The following NXPE2 variants were observed in gnomAD, a reference collection of about 807,000 sequenced individuals.
NXPE2 encodes NXPE family member 2.
A neutral mutation model predicts 34.4 loss-of-function variants in NXPE2; 34 were observed. That is an observed-to-expected ratio of 0.99 (90% CI 0.75 to 1.31). The LOEUF is 1.31. Among genes scored for constraint, NXPE2 ranks in the 40% most tolerant of loss-of-function variants. NXPE2 has a pLI of 0.00. For missense variants in NXPE2, 649 were observed against 672.5 expected, an observed-to-expected ratio of 0.97 and a Z score of 0.39; for synonymous variants, 235 against 231.3, an observed-to-expected ratio of 1.02 and a Z score of -0.15.
At chr11:114,585,230 C>T in the NXPE2 span, among the ~76,000 whole-genome samples, 1 of 151,598 alleles carries the variant, frequency 6.6e-6, no homozygotes. Flanking sequence ...TCCTGCCATC[C>T]TCCACCTGCA....
the NXPE2 span, among the ~76,000 whole-genome samples, chr11:114,753,800 A>G: frequency 2.0e-5 from 3 of 152,226 alleles, no homozygotes; most frequent in Non-Finnish European, 4.4e-5. Context: ...CATTAAGAAC[A>G]TTCTATCCTC....
At chr11:114,522,017 T>A in the NXPE2 span, 1 of 1,613,844 alleles carries the variant, frequency 6.2e-7, no homozygotes, top group Non-Finnish European at 8.5e-7. Context: ...AATCACATGA[T>A]CAGGTGGGTG....
the NXPE2 span, among the ~76,000 whole-genome samples, chr11:114,527,494 A>C: frequency 1.3e-5 from 2 of 152,224 alleles, no homozygotes; most frequent in Non-Finnish European, 2.9e-5. Flanking sequence ...GGGTTATGCC[A>C]ACAGAGAGTT....
At chr11:114,679,854 A>G in intron 2 of NXPE2, 92 bp downstream of exon 2, 1 of 734,850 alleles carries the variant, frequency 1.4e-6, no homozygotes, top group Non-Finnish European at 2.3e-6. Context: ...AAAAGTTAAA[A>G]GCATATCATC....
At chr11:114,681,173 C>T (rs1261342449) in intron 2 of NXPE2, among the ~76,000 whole-genome samples, 1 of 152,146 alleles carries the variant, frequency 6.6e-6, no homozygotes, top group Non-Finnish European at 1.5e-5. Context: ...TTTGTCATTG[C>T]TCATCTAAAT....
the NXPE2 span, among the ~76,000 whole-genome samples, chr11:114,634,381 A>G: frequency 6.6e-6 from 1 of 152,044 alleles, no homozygotes; most frequent in Non-Finnish European, 1.5e-5. Context: ...TCAGATGAGT[A>G]GGTTGTGAAG....
the NXPE2 span, among the ~76,000 whole-genome samples, chr11:114,779,498 GCCGCAGCAT>G: frequency 6.8e-3 from 1,032 of 152,262 alleles, 13 homozygotes; most frequent in African/African-American, 0.022. Flanking sequence ...GATCGGAAGA[GCCGCAGCAT>G]CCCATCCCCG....
downstream of NXPE2, among the ~76,000 whole-genome samples, chr11:114,710,655 TG>T (rs1859595184): frequency 1.3e-5 from 2 of 152,030 alleles, no homozygotes; most frequent in African/African-American, 4.8e-5. Flanking sequence ...ATGGCTTCAG[TG>T]GAGAATTCTA....
At chr11:114,705,662 A>T in intron 4 of NXPE2, 119 bp from the exon 5 acceptor site, 1 of 576,650 alleles carries the variant, frequency 1.7e-6, no homozygotes, top group Non-Finnish European at 3.0e-6. Context: ...AGGAAGGCAA[A>T]ATAGAGCTGA....
At chr11:114,718,737 A>G in the NXPE2 span, among the ~76,000 whole-genome samples, 1 of 152,190 alleles carries the variant, frequency 6.6e-6, no homozygotes, top group Non-Finnish European at 1.5e-5. Flanking sequence ...TTAAAAACAC[A>G]TTGAATTATA....
the NXPE2 span, among the ~76,000 whole-genome samples, chr11:114,617,919 C>G: frequency 6.6e-6 from 1 of 151,974 alleles, no homozygotes; most frequent in African/African-American, 2.4e-5. Context: ...TGGGTAACCA[C>G]TGTAATCTGC....
At chr11:114,563,671 G>A in the NXPE2 span, among the ~76,000 whole-genome samples, 1 of 152,118 alleles carries the variant, frequency 6.6e-6, no homozygotes, top group Non-Finnish European at 1.5e-5. Context: ...GACATGAATA[G>A]ACAATTCTCA....
At chr11:114,786,347 A>G in the NXPE2 span, among the ~76,000 whole-genome samples, 1 of 147,724 alleles carries the variant, frequency 6.8e-6, no homozygotes, top group African/African-American at 2.5e-5. Flanking sequence ...TCAAATTCAG[A>G]TCTTTCTACC....
the NXPE2 span, among the ~76,000 whole-genome samples, chr11:114,499,423 T>C: frequency 2.0e-5 from 3 of 152,182 alleles, no homozygotes; most frequent in Non-Finnish European, 4.4e-5. Context: ...CATTTTCATT[T>C]TCTATTTTTA....
the NXPE2 span, chr11:114,571,349 A>ATAGG: frequency 6.2e-7 from 1 of 1,614,030 alleles, no homozygotes; most frequent in South Asian, 1.1e-5. Flanking sequence ...CTTTGACTGA[A>ATAGG]TAGGTCATTG....
the NXPE2 span, among the ~76,000 whole-genome samples, chr11:114,468,131 T>TA: frequency 0.13 from 17,700 of 135,562 alleles, 1,199 homozygotes; most frequent in South Asian, 0.22. Context: ...GCTGATGAGC[T>TA]AAAAAAAAAA....
chr11:114,800,292 A>ATGATATAATTTT, the NXPE2 span, among the ~76,000 whole-genome samples: 1 of 152,230 alleles, frequency 6.6e-6, no homozygotes, highest in Non-Finnish European at 1.5e-5. Context: ...TCACATGCAC[A>ATGATATAATTTT]TGATATAATT....
At chr11:114,641,855 T>TG in the NXPE2 span, among the ~76,000 whole-genome samples, 4 of 152,174 alleles carry the variant, frequency 2.6e-5, no homozygotes, top group East Asian at 3.9e-4. Context: ...AAAGATTATT[T>TG]GGGGAATAAA....
chr11:114,782,527 T>G, the NXPE2 span, among the ~76,000 whole-genome samples: 1 of 152,224 alleles, frequency 6.6e-6, no homozygotes, highest in African/African-American at 2.4e-5. Flanking sequence ...CACATACCAT[T>G]TAATGTTCAC....
Sources: allele counts gnomAD v4.1 joint callset (sites outside exome capture counted in the v4.1 genomes callset), GRCh38; gene constraint gnomAD v4.1.1; transcripts MANE v1.5; gene names NCBI Gene and HGNC (gene_info 2026-07-23, HGNC 2026-07-21).